Variants in ZZZ3 observed in about 807,000 individuals in gnomAD.
ZZZ3 encodes ZZ-type zinc finger-containing protein 3.
Under a neutral mutation model 95.2 loss-of-function variants are expected in ZZZ3, and 22 were observed. That is an observed-to-expected ratio of 0.23 (90% CI 0.17 to 0.33). The LOEUF (loss-of-function observed/expected upper bound fraction) is 0.33, where lower values mean the gene tolerates loss of function less well. ZZZ3 is among the 10% of genes least tolerant of loss of function. ZZZ3 has a pLI of 1.00. For synonymous variants in ZZZ3, 335 were observed against 358.9 expected (o/e 0.93, Z 0.75); for missense variants, 885 against 1,066.5 (o/e 0.83, Z 2.37).
intron 4 of ZZZ3, among the ~76,000 whole-genome samples, chr1:77,639,108 C>G (rs1668547116): frequency 6.6e-6 from 1 of 152,034 alleles, no homozygotes; most frequent in Non-Finnish European, 1.5e-5. Flanking sequence ...GATAAGCGGA[C>G]AGTCAGACAG....
At chr1:77,647,375 A>C (rs1417530935) in intron 1 of ZZZ3, among the ~76,000 whole-genome samples, 1 of 151,986 alleles carries the variant, frequency 6.6e-6, no homozygotes, top group Non-Finnish European at 1.5e-5. Context: ...AAAAATTAGC[A>C]GGGCATGGTG....
At chr1:77,601,459 T>C (rs1311651008) in intron 5 of ZZZ3, among the ~76,000 whole-genome samples, 1 of 152,126 alleles carries the variant, frequency 6.6e-6, no homozygotes, top group Non-Finnish European at 1.5e-5. Context: ...AGAACAGTAG[T>C]TGCAAAAGTA....
chr1:77,584,092 C>T (rs1396203735), intron 6 of ZZZ3, among the ~76,000 whole-genome samples: 1 of 152,116 alleles, frequency 6.6e-6, no homozygotes, highest in East Asian at 1.9e-4. Context: ...CCATTGTTTT[C>T]TCTCTCAAAA....
rs567181508 is a variant in ZZZ3 at position 77,591,574 on chromosome 1, C to G, written c.1506-6919G>C. 1.6e-4 allele frequency among the ~76,000 whole-genome samples: 25 copies of G among 152,234 alleles called. No homozygotes were observed. The South Asian group carries it at 2.1e-3, about 13-fold the overall frequency. On this transcript the variant is annotated intron_variant, in intron 5 of 14. Transcript: ENST00000370801. ...GCTCAGGTTGGTCTTGAACTCCTGG[C>G]CTCAAGGGATCCTCCCAGGTCAGCC...
At chr1:77,641,172 A>G (rs1668746770) in intron 3 of ZZZ3, 2 of 166,640 alleles carry the variant, frequency 1.2e-5, no homozygotes, top group South Asian at 4.0e-4. Context: ...ACAGTGTGTG[A>G]TGGTAGTAGC....
chr1:77,671,458 C>A (rs1287860052), intron 1 of ZZZ3, among the ~76,000 whole-genome samples: 1 of 152,126 alleles, frequency 6.6e-6, no homozygotes, highest in Admixed American at 6.6e-5. Context: ...TACATGCACA[C>A]AAACAGTACT....
At chr1:77,616,798 C>T (rs1423531019) in intron 5 of ZZZ3, among the ~76,000 whole-genome samples, 4 of 152,024 alleles carry the variant, frequency 2.6e-5, no homozygotes, top group African/African-American at 9.7e-5. Context: ...ACCCAGGAGG[C>T]GGAGGTTGCA....
In ZZZ3 at chr1:77,584,508, A is replaced by T. The variant is rs1662880425; in HGVS notation, c.1644+9T>A. The T allele has an allele frequency of 6.3e-7, 1 of 1,598,134 alleles. No individual in the cohort carries two copies. The highest frequency in any genetic ancestry group is 1.4e-5 in the African/African-American group (1 of 73,802). ...TCTTAGTAAATCTTAAAAACAGTTC[A>T]ATGTATACCTTCTTCTGGAGTTTTT... is the stretch of plus-strand genomic sequence containing the variant. On this transcript the variant is annotated intron_variant, in intron 6 of 14. Coordinates refer to ENST00000370801, the MANE Select transcript of ZZZ3 (RefSeq NM_015534.6).
rs944619041 is a variant in ZZZ3 at position 77,563,775 on chromosome 1, T to C, written c.*1865A>G. 2 of 152,184 alleles carry C rather than the reference T, an allele frequency of 1.3e-5. No homozygotes were observed. The highest frequency in any genetic ancestry group is 2.9e-5 in the Non-Finnish European group (2 of 68,028). 9.4% of individuals were successfully genotyped at this position (152,184 alleles called of 1,614,324 possible). A position where few individuals can be genotyped will look rare whatever the true frequency, so the allele number is the denominator to read the frequency against. ...ACGCCCAGAATGCTAATGATTCCCC[T>C]CTTCACCCACTAATAATTCCAGGGT... On this transcript the variant is annotated 3_prime_UTR_variant, in exon 15 of 15. Transcript: ENST00000370801.
Position 77,660,015 on chromosome 1 carries a change from A to G in ZZZ3, c.-402-18360T>C, listed in dbSNP as rs147516929. ...ACCCAGCTATTTTTTAAATTTTTATAGAAACAGGGTCTCACTATGTTGCCC... is the reference window on the plus strand; with the variant it reads ...ACCCAGCTATTTTTTAAATTTTTATGGAAACAGGGTCTCACTATGTTGCCC... On this transcript the variant is annotated intron_variant, in intron 1 of 14. Transcript: ENST00000370801. 6.6e-5 allele frequency among the ~76,000 whole-genome samples: 10 copies of G among 152,156 alleles called. No individual in the cohort carries two copies. The East Asian group carries it at 1.9e-3, about 29-fold the overall frequency.
intron 12 of ZZZ3, among the ~76,000 whole-genome samples, chr1:77,571,922 T>C (rs556029853): frequency 2.6e-4 from 40 of 152,338 alleles, no homozygotes; most frequent in African/African-American, 9.4e-4. Flanking sequence ...GTAAATTTCA[T>C]GTTATGTGTA....
At chr1:77,592,354 G>C (rs1663788624) in intron 5 of ZZZ3, among the ~76,000 whole-genome samples, 2 of 152,218 alleles carry the variant, frequency 1.3e-5, no homozygotes, top group African/African-American at 4.8e-5. Context: ...CCAGGATAGA[G>C]TGCAGTGGCG....
chr1:77,625,814 ACT>A (rs1362317827), intron 5 of ZZZ3, among the ~76,000 whole-genome samples: 1 of 150,850 alleles, frequency 6.6e-6, no homozygotes, highest in African/African-American at 2.4e-5. Flanking sequence ...ACATGATGAA[ACT>A]CTGTCTCTAC....
At chr1:77,581,097 A>C (rs1662471489) in intron 8 of ZZZ3, 28 bp from the exon 9 acceptor site, 2 of 1,590,308 alleles carry the variant, frequency 1.3e-6, no homozygotes, top group Non-Finnish European at 1.7e-6. Flanking sequence ...CTTTTGTCAG[A>C]GAGAAAATAA....
intron 1 of ZZZ3, among the ~76,000 whole-genome samples, chr1:77,667,763 CTTT>C (rs34939314): frequency 9.6e-5 from 11 of 115,080 alleles, no homozygotes; most frequent in African/African-American, 1.0e-4. Context: ...AATGGGTATT[CTTT>C]TTTTTTTTTT....
intron 1 of ZZZ3, among the ~76,000 whole-genome samples, chr1:77,648,502 G>A (rs1269238792): frequency 6.6e-6 from 1 of 152,010 alleles, no homozygotes; most frequent in African/African-American, 2.4e-5. Context: ...CAAAGCAGTA[G>A]ATGGATATAT....
At chr1:77,584,760 G>T in intron 5 of ZZZ3, 105 bp from the exon 6 acceptor site, 1 of 855,880 alleles carries the variant, frequency 1.2e-6, no homozygotes, top group Non-Finnish European at 1.6e-6. Flanking sequence ...AGTCTTTTAA[G>T]AGTTACCTGA....
At chr1:77,629,576 C>G (rs368211111) in intron 5 of ZZZ3, among the ~76,000 whole-genome samples, 2 of 152,010 alleles carry the variant, frequency 1.3e-5, no homozygotes, top group Non-Finnish European at 2.9e-5. Context: ...CAGTGAGCCA[C>G]GACTGTGCCA....
chr1:77,628,412 T>C (rs1667506941), intron 5 of ZZZ3, among the ~76,000 whole-genome samples: 1 of 152,156 alleles, frequency 6.6e-6, no homozygotes, highest in African/African-American at 2.4e-5. Context: ...GTTCTCCATT[T>C]GGAAAAATAA....
Sources: allele counts gnomAD v4.1 joint callset (sites outside exome capture counted in the v4.1 genomes callset), GRCh38; gene constraint gnomAD v4.1.1; transcripts MANE v1.5; gene names NCBI Gene and HGNC (gene_info 2026-07-23, HGNC 2026-07-21).